The following KIAA1217 variants were observed in gnomAD, a reference collection of about 807,000 sequenced individuals.
KIAA1217 encodes KIAA1217.
KIAA1217 carries 88 observed loss-of-function variants against 163.9 expected under a neutral mutation model. That is an observed-to-expected ratio of 0.54 (90% CI 0.45 to 0.64). The LOEUF is 0.64. KIAA1217 is among the 30% of genes least tolerant of loss of function. The probability of loss-of-function intolerance (pLI) is 0.00; values close to 1 mark genes in which losing one functional copy is unlikely to be tolerated. For missense variants in KIAA1217, 2,372 were observed against 2,475.0 expected (o/e 0.96, Z 0.88); for synonymous variants, 903 against 923.1 (o/e 0.98, Z 0.39).
chr10:24,090,458 G>T (rs988311052), intron 2 of KIAA1217, among the ~76,000 whole-genome samples: 1 of 148,440 alleles, frequency 6.7e-6, no homozygotes, highest in Non-Finnish European at 1.5e-5. Context: ...AGGATTACAG[G>T]CATGAGCCAC....
intron 5 of KIAA1217, among the ~76,000 whole-genome samples, chr10:24,459,283 C>T (rs1009008520): frequency 1.3e-5 from 2 of 152,178 alleles, no homozygotes; most frequent in African/African-American, 4.8e-5. Context: ...CATTCATGAA[C>T]CCACTCTCAC....
At chr10:23,866,166 T>C (rs1490338096) in intron 1 of KIAA1217, among the ~76,000 whole-genome samples, 1 of 152,166 alleles carries the variant, frequency 6.6e-6, no homozygotes, top group African/African-American at 2.4e-5. Context: ...CCCTATAGGA[T>C]TCTGCTGGTG....
intron 2 of KIAA1217, among the ~76,000 whole-genome samples, chr10:24,331,205 A>T (rs927311813): frequency 3.9e-5 from 6 of 152,150 alleles, no homozygotes; most frequent in African/African-American, 1.4e-4. Flanking sequence ...AGCCTCCCTA[A>T]GTACTAAGAT....
At chr10:24,545,731 T>C (rs550730998) in intron 20 of KIAA1217, 96 bp from the exon 21 acceptor site, 27 of 1,516,992 alleles carry the variant, frequency 1.8e-5, no homozygotes, top group Admixed American at 2.3e-5. Context: ...TTTTCTTTGA[T>C]TGAATTATTC....
At chr10:24,516,227 T>C (rs184969007) in intron 10 of KIAA1217, among the ~76,000 whole-genome samples, 1 of 152,328 alleles carries the variant, frequency 6.6e-6, no homozygotes, top group East Asian at 1.9e-4. Flanking sequence ...AAATGCAAGA[T>C]GTCTTTAGAG....
At chr10:24,000,715 G>T (rs1846700686) in intron 1 of KIAA1217, among the ~76,000 whole-genome samples, 1 of 152,352 alleles carries the variant, frequency 6.6e-6, no homozygotes, top group African/African-American at 2.4e-5. Context: ...ACGCTGGAAA[G>T]ATTGATGAGC....
chr10:23,705,260 C>T (rs537205405), intron 1 of KIAA1217, among the ~76,000 whole-genome samples: 3 of 152,026 alleles, frequency 2.0e-5, no homozygotes, highest in Non-Finnish European at 4.4e-5. Flanking sequence ...TATTTTGCAA[C>T]ACAAAAGTTT....
chr10:24,100,742 A>G (rs540984736), intron 2 of KIAA1217, among the ~76,000 whole-genome samples: 2 of 152,344 alleles, frequency 1.3e-5, no homozygotes, highest in South Asian at 2.1e-4. Flanking sequence ...TATTTCTAGT[A>G]TGACTGCAGT....
intron 2 of KIAA1217, among the ~76,000 whole-genome samples, chr10:24,072,556 G>A (rs1426905854): frequency 6.6e-6 from 1 of 152,046 alleles, no homozygotes; most frequent in Non-Finnish European, 1.5e-5. Flanking sequence ...TACATTTGTG[G>A]GATCCATGGA....
At chr10:24,435,637 T>A (rs1332293899) in intron 4 of KIAA1217, among the ~76,000 whole-genome samples, 1 of 152,238 alleles carries the variant, frequency 6.6e-6, no homozygotes, top group Non-Finnish European at 1.5e-5. Flanking sequence ...CTAGAGCTTT[T>A]CTCAAGCTTC....
chr10:23,987,614 TGTGTGTGTGTATGTGTAC>T (rs200873509), intron 1 of KIAA1217, among the ~76,000 whole-genome samples: 29,417 of 126,954 alleles, frequency 0.23, 3,075 homozygotes, highest in South Asian at 0.28. Flanking sequence ...TGTGTGTGTG[TGTGTGTGTGTATGTGTAC>T]GTGTGTGTGT....
chr10:24,031,453 C>A (rs567731925), intron 2 of KIAA1217, among the ~76,000 whole-genome samples: 48 of 152,192 alleles, frequency 3.2e-4, no homozygotes, highest in Non-Finnish European at 5.7e-4. Context: ...GCATATGCCA[C>A]CACATCCAGC....
At position 23,714,344 on chromosome 10, in the gene KIAA1217, A is replaced by C. The variant is rs114126568; in HGVS notation, c.-321+19110A>C. Among the ~76,000 whole-genome samples the C allele has an allele frequency of 8.4e-3, 1,272 of 152,198 alleles. 23 individuals are homozygous for C. Among genetic ancestry groups the C allele is most frequent in the African/African-American group, 0.029 (1,211 of 41,542 alleles). ...AATTTATGAAGAAATTGCTCCCAGG[A>C]TAGACTCCTGGAAAGTGAGGGAAAG... On this transcript the variant is annotated intron_variant, in intron 1 of 18. Coordinates refer to the KIAA1217 transcript ENST00000376462.
chr10:24,033,166 A>G (rs1848257319), intron 2 of KIAA1217, among the ~76,000 whole-genome samples: 1 of 152,222 alleles, frequency 6.6e-6, no homozygotes, highest in South Asian at 2.1e-4. Flanking sequence ...GGGTGACATC[A>G]TGGTATAAAG....
At chr10:24,022,866 A>G (rs1847792688) in intron 2 of KIAA1217, among the ~76,000 whole-genome samples, 1 of 151,714 alleles carries the variant, frequency 6.6e-6, no homozygotes, top group South Asian at 2.1e-4. Context: ...GATAAAAGTC[A>G]ACAATTATTC....
intron 9 of KIAA1217, among the ~76,000 whole-genome samples, chr10:24,510,997 T>C (rs1412846559): frequency 6.6e-6 from 1 of 151,600 alleles, no homozygotes; most frequent in African/African-American, 2.4e-5. Context: ...AGAGACTCTG[T>C]GGAGGGCAGA....
intron 1 of KIAA1217, among the ~76,000 whole-genome samples, chr10:23,999,099 C>A (rs1447934585): frequency 6.6e-6 from 1 of 152,140 alleles, no homozygotes; most frequent in African/African-American, 2.4e-5. Context: ...CACTGTTACA[C>A]AATTTATAAG....
intron 1 of KIAA1217, among the ~76,000 whole-genome samples, chr10:23,979,615 C>T: frequency 6.6e-6 from 1 of 152,046 alleles, no homozygotes; most frequent in Non-Finnish European, 1.5e-5. Flanking sequence ...TGTTGTTTTC[C>T]CAAGAGGGAC....
At chr10:24,334,822 T>C (rs1347459000) in intron 2 of KIAA1217, among the ~76,000 whole-genome samples, 2 of 152,200 alleles carry the variant, frequency 1.3e-5, no homozygotes, top group South Asian at 2.1e-4. Context: ...ATTTATAGAA[T>C]GATTTGTGGA....
Sources: gnomAD v4.1 joint callset for allele counts (sites outside exome capture counted in the v4.1 genomes callset) on GRCh38, gnomAD v4.1.1 for gene constraint, MANE v1.5 for transcripts, NCBI Gene and HGNC (gene_info 2026-07-23, HGNC 2026-07-21) for gene names.